Variants in MCOLN3 observed in about 807,000 individuals in gnomAD.
The protein encoded by MCOLN3 is mucolipin-3.
In MCOLN3, 62 loss-of-function variants were observed where a neutral mutation model predicts 69.4. The ratio of observed to expected loss-of-function variants is 0.89; its 90% CI spans 0.73 to 1.10. The LOEUF (loss-of-function observed/expected upper bound fraction) is 1.10. Among genes scored for constraint, MCOLN3 ranks in the 50% least tolerant of loss-of-function variants. The probability of loss-of-function intolerance (pLI) is 0.00; values close to 1 mark genes in which losing one functional copy is unlikely to be tolerated. For missense variants in MCOLN3, 564 were observed against 656.4 expected, an observed-to-expected ratio of 0.86 and a Z score of 1.54; for synonymous variants, 183 against 217.0, an observed-to-expected ratio of 0.84 and a Z score of 1.38.
At chr1:85,032,563 G>A in intron 6 of MCOLN3, 133 bp downstream of exon 6, 1 of 726,174 alleles carries the variant, frequency 1.4e-6, no homozygotes, top group South Asian at 1.6e-5. Context: ...ATGTATCAAT[G>A]CTTCCCTTAT....
Position 85,025,916 on chromosome 1 carries a change from A to G in MCOLN3, c.1095+23T>C, listed in dbSNP as rs990250354. On this transcript the variant is annotated intron_variant, in intron 9 of 12. Transcript: ENST00000370589. ...TTAGTGCAAATCTGACACTAACAAT[A>G]GCATGATTAGGAAAAAAATTACCTT... is the stretch of plus-strand genomic sequence containing the variant. 3.8e-6 allele frequency: 6 copies of G among 1,577,590 alleles called. No individual in the cohort carries two copies. In the African/African-American group the frequency reaches 6.8e-5, roughly 18 times the overall value.
chr1:85,031,636 C>G (rs533704027), intron 6 of MCOLN3, among the ~76,000 whole-genome samples: 1 of 152,218 alleles, frequency 6.6e-6, no homozygotes, highest in East Asian at 1.9e-4. Flanking sequence ...TGCAGGAAGC[C>G]CTTCAGGCAG....
chr1:85,047,213 AC>A (rs1445542950), intron 1 of MCOLN3: 1 of 152,300 alleles, frequency 6.6e-6, no homozygotes, highest in African/African-American at 2.4e-5. Context: ...ACAGTAATCC[AC>A]AGGAACAAAG....
chr1:85,040,979 C>A, intron 3 of MCOLN3, 31 bp downstream of exon 3: 1 of 1,604,294 alleles, frequency 6.2e-7, no homozygotes, highest in Non-Finnish European at 8.5e-7. Flanking sequence ...TGTTCTTTTT[C>A]CCAAGTAAAT....
At chr1:85,028,561 G>C (rs1163289809) in intron 7 of MCOLN3, among the ~76,000 whole-genome samples, 5 of 152,172 alleles carry the variant, frequency 3.3e-5, no homozygotes, top group African/African-American at 9.7e-5. Context: ...ATTCTTGACA[G>C]TATTTGGTCT....
chr1:85,041,207 G>A (rs754729469), intron 2 of MCOLN3, 30 bp from the exon 3 acceptor site: 4 of 1,586,694 alleles, frequency 2.5e-6, no homozygotes, highest in South Asian at 2.3e-5. Flanking sequence ...AAGGTAAGAG[G>A]GTGGAAAATG....
chr1:85,021,908 T>G (rs918299417), intron 11 of MCOLN3, among the ~76,000 whole-genome samples, 162 bp downstream of exon 11: 2 of 152,236 alleles, frequency 1.3e-5, no homozygotes, highest in Admixed American at 1.3e-4. Flanking sequence ...TCTCTCAAGC[T>G]GGTCACACCC....
rs545043806 is a variant in MCOLN3 at position 85,041,055 on chromosome 1, G to A, written c.351C>T (p.Tyr117=). ...MDRMDDTYAV[Y]TQSDVYDQLI... ...ACTGATCATACACGTCACTTTGTGT[G>A]TACACTGCATATGTGTCATCCATTC... is the stretch of plus-strand genomic sequence containing the variant. The change falls in exon 3 of 13, where the codon TAC becomes TAT. Residue 117 remains tyrosine, a synonymous_variant. Coordinates refer to ENST00000370589, the MANE Select transcript of MCOLN3 (RefSeq NM_018298.11). 6.2e-7 allele frequency: 1 copy of A among 1,613,928 alleles called. No homozygotes were observed. The highest frequency in any genetic ancestry group is 1.1e-5 in the South Asian group (1 of 91,044).
intron 6 of MCOLN3, among the ~76,000 whole-genome samples, chr1:85,031,345 T>G (rs7546496): frequency 0.044 from 6,715 of 151,746 alleles, 165 homozygotes; most frequent in Middle Eastern, 0.069. Flanking sequence ...GCAACTATAG[T>G]TAATAATTTA....
chr1:85,023,602 C>T (rs761355125), intron 9 of MCOLN3: 1 of 152,162 alleles, frequency 6.6e-6, no homozygotes, highest in Non-Finnish European at 1.5e-5. Flanking sequence ...GAAAAGCAGA[C>T]ATCCAAGTGG....
At chr1:85,021,956 C>T (rs1651960376) in intron 11 of MCOLN3, 114 bp downstream of exon 11, 1 of 1,349,930 alleles carries the variant, frequency 7.4e-7, no homozygotes, top group Non-Finnish European at 1.0e-6. Context: ...ATACTACCTT[C>T]AACATTTTAA....
At chr1:85,048,142 C>T (rs1210896612) in intron 1 of MCOLN3, among the ~76,000 whole-genome samples, 2 of 152,132 alleles carry the variant, frequency 1.3e-5, no homozygotes, top group African/African-American at 4.8e-5. Context: ...AGCACCCCCA[C>T]CCGCCCAGCC....
chr1:85,041,237 A>T, intron 2 of MCOLN3, 60 bp from the exon 3 acceptor site: 1 of 1,430,834 alleles, frequency 7.0e-7, no homozygotes, highest in Admixed American at 2.0e-5. Context: ...AAAGCAGAGC[A>T]GAAGGTACAG....
chr1:85,037,673 A>C (rs1201131528), intron 3 of MCOLN3, among the ~76,000 whole-genome samples: 1 of 152,246 alleles, frequency 6.6e-6, no homozygotes, highest in African/African-American at 2.4e-5. Context: ...AGAACTGGGT[A>C]ATCTAGGGAA....
chr1:85,031,259 G>T (rs1282443499), intron 6 of MCOLN3, among the ~76,000 whole-genome samples: 3 of 121,610 alleles, frequency 2.5e-5, no homozygotes, highest in African/African-American at 3.3e-5. Flanking sequence ...AATGGAGCGA[G>T]AATCCATCTC....
chr1:85,041,958 T>A (rs74725315), intron 2 of MCOLN3, among the ~76,000 whole-genome samples: 9,180 of 148,296 alleles, frequency 0.062, 435 homozygotes, highest in East Asian at 0.19. Flanking sequence ...TCTCTCTCTC[T>A]CACACACACA....
At chr1:85,039,762 A>G (rs1652969650) in intron 3 of MCOLN3, among the ~76,000 whole-genome samples, 1 of 152,174 alleles carries the variant, frequency 6.6e-6, no homozygotes, top group African/African-American at 2.4e-5. Flanking sequence ...CCTGGGCAAC[A>G]TAGGGAGACC....
chr1:85,031,155 C>T (rs959865484), intron 6 of MCOLN3, among the ~76,000 whole-genome samples: 1 of 151,724 alleles, frequency 6.6e-6, no homozygotes, highest in African/African-American at 2.4e-5. Context: ...CCTGTAGTCC[C>T]AGCTACTCCG....
rs1651795009 is a variant in MCOLN3, at chr1:85,019,044, A to G, written c.*79T>C. On this transcript the variant is annotated 3_prime_UTR_variant, in exon 13 of 13. Coordinates refer to ENST00000370589, the MANE Select transcript of MCOLN3 (RefSeq NM_018298.11). ...AAATAACAGTCTTCAAACATACTAC[A>G]TCTGATCTCAGAATATCCACAGTGT... 3 of 1,399,282 alleles carry G rather than the reference A, an allele frequency of 2.1e-6. No individual in the cohort carries two copies. Among genetic ancestry groups the G allele is most frequent in the Non-Finnish European group, 3.0e-6 (3 of 1,010,136 alleles). 86.7% of individuals were successfully genotyped at this position (1,399,282 alleles called of 1,614,324 possible). A position where few individuals can be genotyped will look rare whatever the true frequency, so the allele number is the denominator to read the frequency against.
Sources: gnomAD v4.1 joint callset for allele counts (sites outside exome capture counted in the v4.1 genomes callset) on GRCh38, gnomAD v4.1.1 for gene constraint, MANE v1.5 for transcripts, NCBI Gene and HGNC (gene_info 2026-07-23, HGNC 2026-07-21) for gene names.